IL17RD: variants seen among roughly 807,000 people sequenced by gnomAD.
IL17RD encodes interleukin-17 receptor D.
In IL17RD, 52 loss-of-function variants were observed where a neutral mutation model predicts 80.5. The observed-to-expected ratio is 0.65, with a 90% CI of 0.52 to 0.81. The LOEUF (loss-of-function observed/expected upper bound fraction) is 0.81, where lower values mean the gene tolerates loss of function less well. IL17RD is among the 40% of genes least tolerant of loss of function. IL17RD has a pLI of 0.00. For synonymous variants in IL17RD, 416 were observed against 391.8 expected (o/e 1.06, Z -0.73); for missense variants, 1,024 against 955.1 (o/e 1.07, Z -0.95).
intron 1 of IL17RD, among the ~76,000 whole-genome samples, chr3:57,149,211 G>A (rs1414431464): frequency 2.0e-5 from 3 of 151,274 alleles, no homozygotes; most frequent in South Asian, 2.1e-4. Flanking sequence ...CAGGAGAATC[G>A]CTTGAACCCA....
At chr3:57,122,632 C>G (rs1486204963) in intron 1 of IL17RD, among the ~76,000 whole-genome samples, 1 of 152,152 alleles carries the variant, frequency 6.6e-6, no homozygotes, top group South Asian at 2.1e-4. Context: ...CCATCCCCTA[C>G]TGACCCCCCA....
chr3:57,147,506 T>C (rs889244091), intron 1 of IL17RD, among the ~76,000 whole-genome samples: 3 of 152,196 alleles, frequency 2.0e-5, no homozygotes, highest in African/African-American at 7.2e-5. Flanking sequence ...CACAAATCCT[T>C]TGACCCAGTA....
chr3:57,125,437 A>C (rs1306467247), intron 1 of IL17RD, among the ~76,000 whole-genome samples: 1 of 152,136 alleles, frequency 6.6e-6, no homozygotes, highest in African/African-American at 2.4e-5. Flanking sequence ...TTTGAATAAA[A>C]CTTTGTGGAA....
In IL17RD at chr3:57,109,600, C is replaced by A; in HGVS notation, c.487G>T (p.Val163Phe). Residue 163 changes from valine (V) to phenylalanine (F), a missense_variant, in exon 5 of 13, where the codon GTT becomes TTT. Val to Phe is a conservative substitution (Grantham distance 50). Coordinates refer to ENST00000296318, the MANE Select transcript of IL17RD (RefSeq NM_017563.5). ...MKFETDYFVKVVPFPSIKNES... is the reference protein window; with the variant it reads ...MKFETDYFVKFVPFPSIKNES... ...TTTTTAATGGAAGGAAAAGGGACAA[C>A]CTTTACGAAATAATCCGTTTCAAAT... 5 of 1,613,452 alleles carry A rather than the reference C, an allele frequency of 3.1e-6. No homozygotes were observed. The highest frequency in any genetic ancestry group is 4.2e-6 in the Non-Finnish European group (5 of 1,179,500).
upstream of IL17RD, chr3:57,169,133 T>C: frequency 2.3e-6 from 1 of 442,718 alleles, no homozygotes. Flanking sequence ...ATGCCTTTCA[T>C]GGATCACAGT....
chr3:57,110,405 A>G, intron 3 of IL17RD, 94 bp from the exon 4 acceptor site: 1 of 1,352,304 alleles, frequency 7.4e-7, no homozygotes, highest in Non-Finnish European at 1.0e-6. Flanking sequence ...CTACCTACAC[A>G]CCAGAGTTAA....
At chr3:57,128,394 C>T (rs569578899) in intron 1 of IL17RD, among the ~76,000 whole-genome samples, 3 of 152,318 alleles carry the variant, frequency 2.0e-5, no homozygotes, top group South Asian at 2.1e-4. Context: ...CCTAATTTCA[C>T]GCTCTCCAAA....
At chr3:57,123,193 C>T (rs914119984) in intron 1 of IL17RD, among the ~76,000 whole-genome samples, 15 of 152,320 alleles carry the variant, frequency 9.8e-5, no homozygotes, top group African/African-American at 3.1e-4. Context: ...TCACTCTCTG[C>T]TGAGCATTCC....
chr3:57,096,568 T>C, intron 12 of IL17RD, 63 bp from the exon 13 acceptor site: 1 of 1,152,278 alleles, frequency 8.7e-7, no homozygotes, highest in Middle Eastern at 1.9e-4. Flanking sequence ...GGGCAGGTGC[T>C]CATGGCAGAA....
chr3:57,109,438 C>A, intron 5 of IL17RD, 99 bp downstream of exon 5: 3 of 1,377,514 alleles, frequency 2.2e-6, no homozygotes, highest in Non-Finnish European at 3.0e-6. Flanking sequence ...AGCCACCGCG[C>A]CCGGCCTTGG....
chr3:57,102,873 A>G (rs532580051), intron 9 of IL17RD, among the ~76,000 whole-genome samples: 2 of 152,312 alleles, frequency 1.3e-5, no homozygotes, highest in Admixed American at 1.3e-4. Flanking sequence ...TCAGAGGACA[A>G]TTGACTATTT....
intron 11 of IL17RD, among the ~76,000 whole-genome samples, chr3:57,099,852 G>A (rs1473092193): frequency 6.6e-6 from 1 of 152,084 alleles, no homozygotes; most frequent in Admixed American, 6.6e-5. Context: ...ATTTAAAATT[G>A]CAGTTGACAT....
intron 1 of IL17RD, among the ~76,000 whole-genome samples, chr3:57,154,150 G>C (rs1190420436): frequency 4.6e-5 from 7 of 151,678 alleles, no homozygotes. Context: ...TCAGGAGACT[G>C]GGCCAGGAGG....
At chr3:57,115,855 TG>T (rs1332648371) in intron 2 of IL17RD, among the ~76,000 whole-genome samples, 1 of 152,214 alleles carries the variant, frequency 6.6e-6, no homozygotes, top group Non-Finnish European at 1.5e-5. Flanking sequence ...TGTTTTTATT[TG>T]GGATAAAGCA....
At chr3:57,104,842 T>C (rs1457104500) in intron 7 of IL17RD, among the ~76,000 whole-genome samples, 1 of 152,166 alleles carries the variant, frequency 6.6e-6, no homozygotes, top group Non-Finnish European at 1.5e-5. Flanking sequence ...GAACCTGACA[T>C]ACACAGGAGC....
chr3:57,115,502 G>A lies in IL17RD; in HGVS notation c.185-685C>T, dbSNP rs545605015. On this transcript the variant is annotated intron_variant, in intron 2 of 12. Coordinates refer to ENST00000296318, the MANE Select transcript of IL17RD (RefSeq NM_017563.5). ...GCCACACCAATCTTTGATTTTGCCT[G>A]AGGAGTTTACTCACTGCCACCTGTC... 2.0e-5 allele frequency among the ~76,000 whole-genome samples: 3 copies of A among 152,286 alleles called. No homozygotes were observed. In the East Asian group the frequency reaches 5.8e-4, roughly 29 times the overall value.
intron 1 of IL17RD, among the ~76,000 whole-genome samples, chr3:57,136,305 C>T (rs2107521453): frequency 6.6e-6 from 1 of 152,126 alleles, no homozygotes; most frequent in South Asian, 2.1e-4. Context: ...CATATGTAGC[C>T]CAGGTGTGGA....
chr3:57,093,450 A>G lies in IL17RD; in HGVS notation c.*2943T>C, dbSNP rs949240517. The G allele has an allele frequency of 6.6e-6, 1 of 152,080 alleles. No individual in the cohort carries two copies. The highest frequency in any genetic ancestry group is 1.5e-5 in the Non-Finnish European group (1 of 67,992). The allele number at this position is 152,080 out of a possible 1,614,324, so 9.4% of individuals were successfully genotyped here. ...AATAAAATTGGTCCTCTTGCCCCTT[A>G]TTTCTTTTAAAAGAAAAGATGCTCA... On this transcript the variant is annotated 3_prime_UTR_variant, in exon 13 of 13. Coordinates refer to ENST00000296318, the MANE Select transcript of IL17RD (RefSeq NM_017563.5).
rs747756856 is a variant in IL17RD, at chr3:57,096,518, G to C, written c.2108-13C>G. The C allele has an allele frequency of 1.3e-6, 2 of 1,523,294 alleles. No homozygotes were observed. Among genetic ancestry groups the C allele is most frequent in the Non-Finnish European group, 1.8e-6 (2 of 1,097,204 alleles). The allele number at this position is 1,523,294 out of a possible 1,614,324, so 94.4% of individuals were successfully genotyped here. A position where few individuals can be genotyped will look rare whatever the true frequency, so the allele number is the denominator to read the frequency against. On this transcript the variant is annotated splice_polypyrimidine_tract_variant and intron_variant, in intron 12 of 12. Coordinates refer to ENST00000296318, the MANE Select transcript of IL17RD (RefSeq NM_017563.5). ...GGTTCCTCCTCACCTAAGGAGAGAA[G>C]AGAGTACAGAGTCACACTGTCATTG...
Sources: allele counts gnomAD v4.1 joint callset (sites outside exome capture counted in the v4.1 genomes callset), GRCh38; gene constraint gnomAD v4.1.1; transcripts MANE v1.5; gene names NCBI Gene and HGNC (gene_info 2026-07-23, HGNC 2026-07-21).